Variants in COL6A2 observed in about 807,000 individuals in gnomAD.
COL6A2 encodes collagen alpha-2(VI) chain.
COL6A2 carries 90 observed loss-of-function variants against 124.9 expected under a neutral mutation model. That is an observed-to-expected ratio of 0.72 (90% confidence interval 0.61 to 0.86). COL6A2 has a LOEUF of 0.86. Ranked by LOEUF, COL6A2 falls within the 40% of genes least tolerant of loss-of-function variation. COL6A2 has a pLI of 0.00. For synonymous variants in COL6A2, 793 were observed against 618.2 expected (o/e 1.28, Z -4.19); for missense variants, 1,607 against 1,502.5 (o/e 1.07, Z -1.15).
chr21:46,120,520 C>A lies in COL6A2; in HGVS notation c.1338C>A (p.Asp446Glu). The part of the protein sequence containing the change: ...GSDGPKGEKG[D>E]PGPEGPRGLA... ...CCTCCCTTCCCTTCCCACAGGGGGA[C>A]CCTGGCCCTGAGGGGCCCCGCGGCC... Residue 446 changes from aspartate to glutamate, a missense_variant, in exon 16 of 28, where the codon GAC (aspartate) becomes GAA (glutamate). Physicochemically the swap from Asp to Glu is conservative, Grantham distance 45 (BLOSUM62 2). This residue lies in a region of COL6A2 where 1,223 missense variants were observed against 1,052.2 expected (regional missense o/e 1.16). Transcript: ENST00000300527. 1 of 1,501,962 alleles carries A rather than the reference C, an allele frequency of 6.7e-7. No homozygotes were observed. Among genetic ancestry groups the A allele is most frequent in the Non-Finnish European group, 8.9e-7 (1 of 1,128,564 alleles). 93.0% of individuals were successfully genotyped at this position (1,501,962 alleles called of 1,614,324 possible). A position where few individuals can be genotyped will look rare whatever the true frequency, so the allele number is the denominator to read the frequency against.
intron 27 of COL6A2, chr21:46,129,905 C>A: frequency 1.0e-6 from 1 of 964,914 alleles, no homozygotes; most frequent in Non-Finnish European, 1.2e-6. Context: ...CCCAGCTGGG[C>A]TGCCGTGCGT....
In COL6A2 at chr21:46,132,421, G is replaced by A. The variant is rs370593484; in HGVS notation, c.2929G>A (p.Gly977Ser). The change falls in exon 28 of 28, where the codon GGC becomes AGC. Residue 977 changes from glycine (G) to serine (S), a missense_variant. Gly to Ser is a moderately conservative substitution (Grantham distance 56). Transcript: ENST00000300527. ...CGTGGTACCCACCGTGCTGGCCTTG[G>A]GCAGCGACGTGGACATGGACGTGCT... The part of the protein sequence containing the change: ...QNVVPTVLAL[G>S]SDVDMDVLTT... The A allele has an allele frequency of 2.5e-6, 4 of 1,607,234 alleles. No homozygotes were observed. Among genetic ancestry groups the A allele is most frequent in the Non-Finnish European group, 3.4e-6 (4 of 1,177,302 alleles).
Position 46,116,328 on chromosome 21 carries a change from T to C in COL6A2, c.901-49T>C, listed in dbSNP as rs2078469665. 6.2e-7 allele frequency: 1 copy of C among 1,607,244 alleles called. No individual in the cohort carries two copies. The highest frequency in any genetic ancestry group is 2.2e-5 in the East Asian group (1 of 44,796). On this transcript the variant is annotated intron_variant, in intron 7 of 27. Coordinates refer to ENST00000300527, the MANE Select transcript of COL6A2 (RefSeq NM_001849.4). This position sits in a 1 kb window ranked among gnomAD's most constrained non-coding sequence, Gnocchi z 4.6. ...TGCAGGGCTGGCCCTTCCCTGCCTG[T>C]GTCTCTGCAGAGCTCCTCACTAATG...
rs905180112 is a variant in COL6A2, at chr21:46,101,065, T to C, written c.-28+2892T>C. Among the ~76,000 whole-genome samples the C allele has an allele frequency of 4.6e-5, 7 of 152,228 alleles. No homozygotes were observed. The East Asian group carries it at 1.3e-3, about 29-fold the overall frequency. On this transcript the variant is annotated intron_variant, in intron 1 of 27. Coordinates refer to ENST00000300527, the MANE Select transcript of COL6A2 (RefSeq NM_001849.4). ...ACATCTGCACCAACAGGTGTCATTT[T>C]CCGGGTTCGCTTGGTTTTTTTTAAA... is the stretch of plus-strand genomic sequence containing the variant.
In COL6A2 at chr21:46,116,822, G is replaced by A. The variant is rs762757899; in HGVS notation, c.999+8G>A. On this transcript the variant is annotated splice_region_variant and intron_variant, in intron 10 of 27. Coordinates refer to ENST00000300527, the MANE Select transcript of COL6A2 (RefSeq NM_001849.4). The surrounding 1 kb of genome is among the most constrained non-coding windows in gnomAD (Gnocchi z 4.6). Reference sequence around the variant, plus strand: ...GGGACCGATGGACAGAAGGTAGAGGGAGCCTCGGGCTCACAGCTGGACTGG... The same window carrying A: ...GGGACCGATGGACAGAAGGTAGAGGAAGCCTCGGGCTCACAGCTGGACTGG... 3 of 1,612,802 alleles carry A rather than the reference G, an allele frequency of 1.9e-6. No homozygotes were observed. In the Admixed American group the frequency reaches 5.0e-5, roughly 27 times the overall value.
rs2078467902 is a variant in COL6A2 at position 46,116,201 on chromosome 21, C to T, written c.900+148C>T. 1 of 1,154,226 alleles carries T rather than the reference C, an allele frequency of 8.7e-7. No individual in the cohort carries two copies. Among genetic ancestry groups the T allele is most frequent in the African/African-American group, 1.5e-5 (1 of 65,074 alleles). The allele number at this position is 1,154,226 out of a possible 1,614,324, so 71.5% of individuals were successfully genotyped here. On this transcript the variant is annotated intron_variant, in intron 7 of 27. Transcript: ENST00000300527. This position sits in a 1 kb window ranked among gnomAD's most constrained non-coding sequence, Gnocchi z 4.6. ...AGCACCTCGATAACTTGATGGCCGT[C>T]CCAAAACCCAGCCTCCAGCCCGACC...
At chr21:46,123,144 A>AC (rs1422061548) in intron 21 of COL6A2, among the ~76,000 whole-genome samples, 5 of 54,850 alleles carry the variant, frequency 9.1e-5, no homozygotes, top group South Asian at 1.6e-3. Flanking sequence ...CTCCCCAGTG[A>AC]CCCCCCAACA....
chr21:46,118,344 A>G (rs2078508816), intron 12 of COL6A2, among the ~76,000 whole-genome samples: 1 of 151,970 alleles, frequency 6.6e-6, no homozygotes, highest in South Asian at 2.1e-4. Flanking sequence ...AGGGCTTCCC[A>G]CTTTCTGTCC....
At chr21:46,128,974 C>T (rs376310595) in intron 27 of COL6A2, 300 of 1,608,998 alleles carry the variant, frequency 1.9e-4, no homozygotes, top group Admixed American at 3.3e-4. Context: ...TGCCACCGTG[C>T]GGGTCTCCTA....
intron 1 of COL6A2, 169 bp from the exon 2 acceptor site, chr21:46,111,281 C>T (rs1236673218): frequency 1.0e-5 from 6 of 577,728 alleles, no homozygotes; most frequent in Non-Finnish European, 1.9e-5. Context: ...GCGCAAGCCC[C>T]CCAGTCCAGA....
intron 27 of COL6A2, chr21:46,129,230 C>T (rs752380721): frequency 2.2e-5 from 35 of 1,612,968 alleles, no homozygotes; most frequent in Non-Finnish European, 1.3e-5. Context: ...CCCCGGTCAC[C>T]TTCCTCCGCA....
chr21:46,128,563 A>C (rs1351388628), intron 27 of COL6A2, among the ~76,000 whole-genome samples: 1 of 152,140 alleles, frequency 6.6e-6, no homozygotes, highest in African/African-American at 2.4e-5. Context: ...AGGCCTGTGG[A>C]GTTCTCAGTT....
chr21:46,105,372 C>T (rs182857330), intron 1 of COL6A2, among the ~76,000 whole-genome samples: 14 of 152,150 alleles, frequency 9.2e-5, no homozygotes, highest in Non-Finnish European at 1.8e-4. Flanking sequence ...GGCAACAGAG[C>T]AAGACCTTAT....
intron 15 of COL6A2, 54 bp downstream of exon 15, chr21:46,119,904 T>TGCTGACGAGGGCCCC (rs2078533979): frequency 6.7e-7 from 1 of 1,490,256 alleles, no homozygotes; most frequent in Non-Finnish European, 9.2e-7. Flanking sequence ...CCATGGGCCC[T>TGCTGACGAGGGCCCC]GCTGACGAGG....
intron 23 of COL6A2, 53 bp from the exon 24 acceptor site, chr21:46,125,213 G>A (rs746542247): frequency 3.2e-6 from 5 of 1,554,206 alleles, no homozygotes; most frequent in Non-Finnish European, 4.4e-6. Context: ...CCTTGCTGTG[G>A]AAACTCTTCT....
rs370858447 is a variant in COL6A2, at chr21:46,125,292, G to C, written c.1797G>C (p.Arg599Ser). 35 of 1,611,812 alleles carry C rather than the reference G, an allele frequency of 2.2e-5. No homozygotes were observed. Among genetic ancestry groups the C allele is most frequent in the Non-Finnish European group, 2.9e-5 (34 of 1,179,406 alleles). Residue 599 changes from arginine (R) to serine (S), a missense_variant, in exon 24 of 28, where the codon AGG (arginine) becomes AGC (serine). Physicochemically the swap from Arg to Ser is moderately radical, Grantham distance 110. Around this residue, in one of 3 missense-constraint regions of COL6A2, gnomAD observed 1,223 missense variants for 1,052.2 expected, o/e 1.16. Coordinates refer to ENST00000300527, the MANE Select transcript of COL6A2 (RefSeq NM_001849.4). ...AGTGTGACGTCATGACCTACGTGAGGGAGACCTGCGGGTGCTGCGGTGAGG... is the reference window on the plus strand; with the variant it reads ...AGTGTGACGTCATGACCTACGTGAGCGAGACCTGCGGGTGCTGCGGTGAGG... ...LTECDVMTYV[R>S]ETCGCCDCEK...
chr21:46,126,262 C>A, intron 26 of COL6A2, 25 bp downstream of exon 26: 2 of 1,595,734 alleles, frequency 1.3e-6, no homozygotes, highest in South Asian at 2.2e-5. Context: ...GCGGGGCAGT[C>A]GGCCGAGGAG....
intron 22 of COL6A2, 44 bp downstream of exon 22, chr21:46,124,757 G>A (rs769116934): frequency 1.2e-6 from 2 of 1,605,964 alleles, no homozygotes; most frequent in South Asian, 1.1e-5. Context: ...CAACCTGCCA[G>A]GCCAACACAC....
At chr21:46,123,156 C>A (rs1417596809) in intron 21 of COL6A2, among the ~76,000 whole-genome samples, 7 of 113,874 alleles carry the variant, frequency 6.1e-5, no homozygotes, top group Non-Finnish European at 7.3e-5. Flanking sequence ...CCCCCAACAT[C>A]CCCCCCACAG....
Sources: gnomAD v4.1 joint callset for allele counts (sites outside exome capture counted in the v4.1 genomes callset) on GRCh38, gnomAD v4.1.1 for gene constraint, gnomAD v4.1.1 regional missense constraint, Gnocchi (gnomAD v3.1) non-coding constraint, MANE v1.5 for transcripts, NCBI Gene and HGNC (gene_info 2026-07-23, HGNC 2026-07-21) for gene names.